Variants in C1orf94 observed in about 807,000 individuals in gnomAD.
C1orf94 encodes uncharacterized protein C1orf94.
A neutral mutation model predicts 53.6 loss-of-function variants in C1orf94; 45 were observed. That is an observed-to-expected ratio of 0.84 (90% CI 0.66 to 1.08). The LOEUF (loss-of-function observed/expected upper bound fraction) is 1.08, where lower values mean the gene tolerates loss of function less well. C1orf94 is among the 50% of genes least tolerant of loss of function. The probability of loss-of-function intolerance (pLI) is 0.00; values close to 1 mark genes in which losing one functional copy is unlikely to be tolerated. For missense variants in C1orf94, 762 were observed against 738.9 expected, an observed-to-expected ratio of 1.03 and a Z score of -0.36; for synonymous variants, 304 against 296.1, an observed-to-expected ratio of 1.03 and a Z score of -0.27.
intron 1 of C1orf94, among the ~76,000 whole-genome samples, chr1:34,192,416 TG>T (rs1287666781): frequency 1.3e-5 from 2 of 152,086 alleles, no homozygotes; most frequent in African/African-American, 4.8e-5. Context: ...GGATGTGAGA[TG>T]AAAGGCCAGA....
rs1015458963 is a variant in C1orf94 at position 34,178,080 on chromosome 1, A to G, written c.291A>G (p.Leu97=). 1 of 1,551,684 alleles carries G rather than the reference A, an allele frequency of 6.4e-7. No individual in the cohort carries two copies. The highest frequency in any genetic ancestry group is 1.4e-5 in the African/African-American group (1 of 73,184). Residue 97 remains leucine, a synonymous_variant, in exon 1 of 7, where the codon CTA becomes CTG. Coordinates refer to ENST00000488417, the MANE Select transcript of C1orf94 (RefSeq NM_001134734.2). ...EQLSVPVVGT[L]RGNELSFQEE... is the part of the protein sequence containing the mutation. ...TCTCTGTCCCTGTGGTTGGAACTCT[A>G]AGAGGCAATGAGCTCAGCTTTCAAG...
chr1:34,202,080 G>A lies in C1orf94; in HGVS notation c.1271-4G>A. On this transcript the variant is annotated splice_region_variant and splice_polypyrimidine_tract_variant and intron_variant, in intron 3 of 6. Transcript: ENST00000488417. ...ACCCGCTTTGCCTCTCCTGTGACTT[G>A]CAGTTAACGCACCTGTGACGGTTGC... 3 of 1,612,300 alleles carry A rather than the reference G, an allele frequency of 1.9e-6. No individual in the cohort carries two copies. The highest frequency in any genetic ancestry group is 2.2e-5 in the South Asian group (2 of 90,692).
chr1:34,197,935 G>A lies in C1orf94; in HGVS notation c.1009+22G>A. The A allele has an allele frequency of 1.9e-6, 3 of 1,594,306 alleles. No homozygotes were observed. Among genetic ancestry groups the A allele is most frequent in the Non-Finnish European group, 2.6e-6 (3 of 1,169,392 alleles). ...ATGGGTGAGTGGGGTTGGAACTGGGGTAGAGTGGGCCTGCAAGGAGGAGGT... is the reference window on the plus strand; with the variant it reads ...ATGGGTGAGTGGGGTTGGAACTGGGATAGAGTGGGCCTGCAAGGAGGAGGT... On this transcript the variant is annotated intron_variant, in intron 2 of 6. Transcript: ENST00000488417. The surrounding 1 kb of genome is among the most constrained non-coding windows in gnomAD (Gnocchi z 4.1).
upstream of C1orf94, among the ~76,000 whole-genome samples, chr1:34,174,285 A>G (rs1407455509): frequency 6.6e-6 from 1 of 152,202 alleles, no homozygotes; most frequent in Non-Finnish European, 1.5e-5. Flanking sequence ...CAAGCAAACA[A>G]CTGTATAACA....
Position 34,218,717 on chromosome 1 carries a change from C to T in C1orf94, c.1753C>T (p.His585Tyr), listed in dbSNP as rs543240671. 3 of 1,612,764 alleles carry T rather than the reference C, an allele frequency of 1.9e-6. No homozygotes were observed. Among genetic ancestry groups the T allele is most frequent in the South Asian group, 2.2e-5 (2 of 90,836 alleles). Residue 585 changes from histidine to tyrosine, a missense_variant, in exon 7 of 7, where the codon CAC becomes TAC. His to Tyr is a moderately conservative substitution (Grantham distance 83). Coordinates refer to ENST00000488417, the MANE Select transcript of C1orf94 (RefSeq NM_001134734.2). ...CTCGACATCCGGAGGGCCCTTGATG[C>T]ACAGCCCCTATTTTTCTTCCAGTGG... ...FGSTSGGPLMHSPYFSSSGNG... is the reference protein window; with the variant it reads ...FGSTSGGPLMYSPYFSSSGNG...
intron 5 of C1orf94, among the ~76,000 whole-genome samples, chr1:34,210,388 G>A (rs1028163241): frequency 4.6e-5 from 7 of 152,196 alleles, no homozygotes; most frequent in South Asian, 2.1e-4. Flanking sequence ...CCGGGAGGGA[G>A]GACTCAGGTT....
intron 1 of C1orf94, among the ~76,000 whole-genome samples, chr1:34,168,389 GA>G (rs1346637654): frequency 6.6e-6 from 1 of 152,050 alleles, no homozygotes; most frequent in South Asian, 2.1e-4. Flanking sequence ...CTGTAAAAAG[GA>G]AAGGGGGCCA....
rs1642246891 is a variant in C1orf94, at chr1:34,177,505, C to A, written c.-285C>A. Among the ~76,000 whole-genome samples the A allele has an allele frequency of 1.3e-5, 2 of 152,232 alleles. No homozygotes were observed. The highest frequency in any genetic ancestry group is 2.4e-5 in the African/African-American group (1 of 41,470). The stretch of plus-strand genomic sequence containing the variant: ...CCAGATGTCATTCTGCCCGCCCAGG[C>A]GCCTGGTTCCTGAGCTCCGCAGCAT... On this transcript the variant is annotated 5_prime_UTR_variant, in exon 1 of 7. Transcript: ENST00000488417.
At chr1:34,215,744 G>C (rs927445872) in intron 6 of C1orf94, among the ~76,000 whole-genome samples, 2 of 152,198 alleles carry the variant, frequency 1.3e-5, no homozygotes, top group Non-Finnish European at 2.9e-5. Context: ...AGTGGCTCAC[G>C]CCTGTAATCC....
intron 5 of C1orf94, among the ~76,000 whole-genome samples, chr1:34,211,434 G>A (rs771811068): frequency 2.6e-5 from 4 of 152,032 alleles, no homozygotes; most frequent in African/African-American, 9.7e-5. Context: ...GTTCTAGGTC[G>A]GAGTTCATCA....
rs770572991 is a variant in C1orf94 at position 34,200,822 on chromosome 1, C to G, written c.1060C>G (p.Leu354Val). The G allele has an allele frequency of 3.1e-6, 5 of 1,614,160 alleles. No individual in the cohort carries two copies. The highest frequency in any genetic ancestry group is 4.2e-6 in the Non-Finnish European group (5 of 1,180,020). ...AAAAAAGGGTCAAGGGAGCCTCTTT[C>G]TCAGCCAGTGGCCCCAGAGCCAGAA... is the stretch of plus-strand genomic sequence containing the variant. Reference protein sequence around the residue: ...EPKKGQGSLFLSQWPQSQKDA... With the variant: ...EPKKGQGSLFVSQWPQSQKDA... The change falls in exon 3 of 7, where the codon CTC becomes GTC. Residue 354 changes from leucine (L) to valine (V), a missense_variant. Coordinates refer to ENST00000488417, the MANE Select transcript of C1orf94 (RefSeq NM_001134734.2).
chr1:34,198,202 A>G (rs1642636556), intron 2 of C1orf94, among the ~76,000 whole-genome samples: 1 of 152,234 alleles, frequency 6.6e-6, no homozygotes, highest in African/African-American at 2.4e-5. Context: ...TTAACTTTGG[A>G]ATCAAACGGG....
At chr1:34,204,310 T>C (rs1169852310) in intron 4 of C1orf94, among the ~76,000 whole-genome samples, 3 of 152,198 alleles carry the variant, frequency 2.0e-5, no homozygotes, top group Non-Finnish European at 2.9e-5. Context: ...TCTCTCTCTG[T>C]TTTGTTTTCA....
intron 1 of C1orf94, among the ~76,000 whole-genome samples, chr1:34,182,764 T>A (rs1642329394): frequency 6.6e-6 from 1 of 152,120 alleles, no homozygotes; most frequent in Non-Finnish European, 1.5e-5. Flanking sequence ...GACCGAACAC[T>A]GGCAAACTCA....
chr1:34,172,288 T>C (rs1642156565), upstream of C1orf94, among the ~76,000 whole-genome samples: 3 of 152,206 alleles, frequency 2.0e-5, no homozygotes, highest in Admixed American at 6.5e-5. Context: ...GACCTTCCTT[T>C]TCCCTAACTT....
intron 2 of C1orf94, 81 bp from the exon 3 acceptor site, chr1:34,200,691 C>T (rs1485379028): frequency 6.4e-7 from 1 of 1,563,810 alleles, no homozygotes; most frequent in Non-Finnish European, 8.7e-7. Context: ...GAGGATTCAT[C>T]ATTTAGTCCA....
rs869217498 is a variant in C1orf94, at chr1:34,207,261, GGGTGTGTGT to G, written c.1447-894_1447-886del. On this transcript the variant is annotated intron_variant, in intron 4 of 6. Coordinates refer to ENST00000488417, the MANE Select transcript of C1orf94 (RefSeq NM_001134734.2). Reference sequence around the variant, plus strand: ...CCACTGCCACAGCAGCAGTTCTGCGGGGTGTGTGTGTGTGTGTGTGTGTGTGTGTGTGTG... The same window carrying G: ...CCACTGCCACAGCAGCAGTTCTGCGGGTGTGTGTGTGTGTGTGTGTGTGTG... Among the ~76,000 whole-genome samples, 425 of 79,082 alleles carry G rather than the reference GGGTGTGTGT, an allele frequency of 5.4e-3. 2 individuals are homozygous for G. The South Asian group carries it at 0.061, about 11-fold the overall frequency. 51.9% of individuals were successfully genotyped at this position (79,082 alleles called of 152,430 possible).
At position 34,197,927 on chromosome 1, in the gene C1orf94, G is replaced by C; in HGVS notation, c.1009+14G>C. The C allele has an allele frequency of 6.2e-7, 1 of 1,604,784 alleles. No individual in the cohort carries two copies. ...ACCACTTGATGGGTGAGTGGGGTTGGAACTGGGGTAGAGTGGGCCTGCAAG... is the reference window on the plus strand; with the variant it reads ...ACCACTTGATGGGTGAGTGGGGTTGCAACTGGGGTAGAGTGGGCCTGCAAG... On this transcript the variant is annotated intron_variant, in intron 2 of 6. Coordinates refer to ENST00000488417, the MANE Select transcript of C1orf94 (RefSeq NM_001134734.2). This position sits in a 1 kb window ranked among gnomAD's most constrained non-coding sequence, Gnocchi z 4.1.
chr1:34,209,215 C>T (rs1459539653), intron 5 of C1orf94, among the ~76,000 whole-genome samples: 1 of 151,768 alleles, frequency 6.6e-6, no homozygotes, highest in Non-Finnish European at 1.5e-5. Context: ...AATGACCATG[C>T]TTTACTACAT....
Sources: allele counts gnomAD v4.1 joint callset (sites outside exome capture counted in the v4.1 genomes callset), GRCh38; gene constraint gnomAD v4.1.1; non-coding constraint Gnocchi (gnomAD v3.1); transcripts MANE v1.5; gene names NCBI Gene and HGNC (gene_info 2026-07-23, HGNC 2026-07-21).